RC3H1: variants seen among roughly 807,000 people sequenced by gnomAD.
The protein encoded by RC3H1 is roquin-1.
A neutral mutation model predicts 138.2 loss-of-function variants in RC3H1; 50 were observed. That is an observed-to-expected ratio of 0.36 (90% confidence interval 0.29 to 0.46). The LOEUF is 0.46. Among genes scored for constraint, RC3H1 ranks in the 20% least tolerant of loss-of-function variants. The pLI, the probability that RC3H1 is intolerant of heterozygous loss-of-function variation, is 1.00. For synonymous variants in RC3H1, 462 were observed against 489.1 expected, an observed-to-expected ratio of 0.94 and a Z score of 0.73; for missense variants, 1,031 against 1,388.1, an observed-to-expected ratio of 0.74 and a Z score of 4.09.
chr1:173,975,310 G>A (rs1399802547), intron 7 of RC3H1, among the ~76,000 whole-genome samples: 8 of 151,986 alleles, frequency 5.3e-5, no homozygotes, highest in Admixed American at 3.3e-4. Flanking sequence ...TGGCCAGGAT[G>A]GTCTTGATCT....
intron 7 of RC3H1, 39 bp from the exon 8 acceptor site, chr1:173,972,666 C>G (rs1353551972): frequency 1.4e-6 from 2 of 1,391,484 alleles, no homozygotes; most frequent in Non-Finnish European, 2.0e-6. Context: ...TCTAATGTTA[C>G]TCAAAATTTT....
In RC3H1 at chr1:173,943,575, G is replaced by C. The variant is rs150779657; in HGVS notation, c.3002C>G (p.Thr1001Ser). The C allele has an allele frequency of 1.2e-6, 2 of 1,613,874 alleles. No individual in the cohort carries two copies. The highest frequency in any genetic ancestry group is 1.7e-6 in the Non-Finnish European group (2 of 1,179,992). Residue 1001 changes from threonine to serine, a missense_variant, in exon 18 of 20, where the codon ACC (threonine) becomes AGC (serine). Thr to Ser is a moderately conservative substitution (Grantham distance 58, BLOSUM62 1). Coordinates refer to ENST00000367696, the MANE Select transcript of RC3H1 (RefSeq NM_172071.4). Reference sequence around the variant, plus strand: ...TGGGGGCTGTGACTGGCCTGCCAGGGTGTTTGCCTCCCTCTGCAACACCAG... The same window carrying C: ...TGGGGGCTGTGACTGGCCTGCCAGGCTGTTTGCCTCCCTCTGCAACACCAG... ...NRLVLQREAN[T>S]LAGQSQPPPP... is the part of the protein sequence containing the mutation.
chr1:174,008,671 T>A (rs2860844), intron 1 of RC3H1, among the ~76,000 whole-genome samples: 43,738 of 151,750 alleles, frequency 0.29, 11,255 homozygotes, highest in African/African-American at 0.7. Flanking sequence ...GAAACAGAAA[T>A]TAAATTGTAA....
chr1:174,017,639 G>C (rs1297724329), intron 1 of RC3H1, among the ~76,000 whole-genome samples: 1 of 151,780 alleles, frequency 6.6e-6, no homozygotes, highest in Non-Finnish European at 1.5e-5. Flanking sequence ...AATTAGAGCT[G>C]GTGGTTGAAC....
intron 2 of RC3H1, among the ~76,000 whole-genome samples, chr1:173,991,054 AC>A (rs1406216687): frequency 6.6e-6 from 1 of 151,852 alleles, no homozygotes; most frequent in Non-Finnish European, 1.5e-5. Flanking sequence ...ACATGGCGAA[AC>A]CCTGTCTCGA....
At position 173,994,392 on chromosome 1, in the gene RC3H1, A is replaced by AAAAC. The variant is rs760699594; in HGVS notation, c.-150-1261_-150-1258dup. Among the ~76,000 whole-genome samples the AAAAC allele has an allele frequency of 8.9e-4, 135 of 152,268 alleles. 1 individual carries two copies. Among genetic ancestry groups the AAAAC allele is most frequent in the African/African-American group, 3.0e-3 (123 of 41,532 alleles). Reference sequence around the variant, plus strand: ...GGGCGACACAGTGAGACTCCATCTCAAAACAAACAAACAAACAAAACTTTT... The same window carrying AAAAC: ...GGGCGACACAGTGAGACTCCATCTCAAAACAAACAAACAAACAAACAAAACTTTT... On this transcript the variant is annotated intron_variant, in intron 1 of 19. Coordinates refer to ENST00000367696, the MANE Select transcript of RC3H1 (RefSeq NM_172071.4).
chr1:173,947,657 T>C, intron 14 of RC3H1, 75 bp from the exon 15 acceptor site: 1 of 1,127,690 alleles, frequency 8.9e-7, no homozygotes. Flanking sequence ...AGATCTGTAA[T>C]AAGGTTAAAG....
At chr1:173,949,602 CA>C (rs1486629774) in intron 14 of RC3H1, among the ~76,000 whole-genome samples, 4 of 152,108 alleles carry the variant, frequency 2.6e-5, no homozygotes, top group African/African-American at 9.7e-5. Context: ...CTCCTGACCT[CA>C]AGTGATCCGC....
chr1:173,976,503 A>C (rs1323923653), intron 7 of RC3H1, among the ~76,000 whole-genome samples: 1 of 152,062 alleles, frequency 6.6e-6, no homozygotes, highest in African/African-American at 2.4e-5. Flanking sequence ...GTAAGAACTG[A>C]GAACTGACTT....
At position 173,970,585 on chromosome 1, in the gene RC3H1, C is replaced by T. The variant is rs754598659; in HGVS notation, c.1254G>A (p.Met418Ile). ...PPQHSKYKTY[M>I]CRDMKQRGGC... ...CTCCTCTCTGCTTCATATCTCGACACATGTATGTTTTGTATTTGCTATGCT... is the reference window on the plus strand; with the variant it reads ...CTCCTCTCTGCTTCATATCTCGACATATGTATGTTTTGTATTTGCTATGCT... Residue 418 changes from methionine (M) to isoleucine (I), a missense_variant, in exon 9 of 20, where the codon ATG becomes ATA. Physicochemically the swap from Met to Ile is conservative, Grantham distance 10. Transcript: ENST00000367696. 6.2e-7 allele frequency: 1 copy of T among 1,613,906 alleles called. No individual in the cohort carries two copies. Among genetic ancestry groups the T allele is most frequent in the Non-Finnish European group, 8.5e-7 (1 of 1,179,916 alleles).
At chr1:174,011,307 CT>C (rs1661743670) in intron 1 of RC3H1, among the ~76,000 whole-genome samples, 1 of 151,828 alleles carries the variant, frequency 6.6e-6, no homozygotes, top group Non-Finnish European at 1.5e-5. Context: ...CTTACATTTA[CT>C]TTTTAAAGTT....
At chr1:173,978,053 G>C (rs13375205) in intron 7 of RC3H1, among the ~76,000 whole-genome samples, 1 of 151,982 alleles carries the variant, frequency 6.6e-6, no homozygotes, top group Non-Finnish European at 1.5e-5. Flanking sequence ...AGCAGAAAAA[G>C]CCTAAGTAAA....
chr1:173,989,509 T>C (rs1369352873), intron 2 of RC3H1, among the ~76,000 whole-genome samples: 1 of 152,154 alleles, frequency 6.6e-6, no homozygotes, highest in African/African-American at 2.4e-5. Flanking sequence ...ATCTTTGAAA[T>C]ATAGTTTTTA....
chr1:173,949,192 T>C (rs953774752), intron 14 of RC3H1, among the ~76,000 whole-genome samples: 9 of 151,972 alleles, frequency 5.9e-5, no homozygotes, highest in Non-Finnish European at 1.0e-4. Flanking sequence ...TTCACTCATT[T>C]ACAGTGGTTA....
intron 7 of RC3H1, 101 bp downstream of exon 7, chr1:173,978,387 A>G: frequency 3.2e-6 from 4 of 1,257,842 alleles, no homozygotes; most frequent in South Asian, 1.7e-5. Flanking sequence ...TGGAGTAACT[A>G]CTTTGGGAAA....
chr1:173,938,868 A>C lies in RC3H1; in HGVS notation c.3255T>G (p.Asp1085Glu), dbSNP rs751538952. 5 of 1,595,148 alleles carry C rather than the reference A, an allele frequency of 3.1e-6. No individual in the cohort carries two copies. The highest frequency in any genetic ancestry group is 2.2e-5 in the East Asian group (1 of 44,632). Residue 1085 changes from aspartate to glutamate, a missense_variant, in exon 20 of 20, where the codon GAT becomes GAG. Physicochemically the swap from Asp to Glu is conservative, Grantham distance 45. Around this residue, in one of 7 missense-constraint regions of RC3H1, gnomAD observed 716 missense variants for 837.9 expected, o/e 0.85. Transcript: ENST00000367696. The part of the protein sequence containing the change: ...PAEDLTLTFS[D>E]VPNGSALTQE... Reference sequence around the variant, plus strand: ...GTGTCAAGGCTGATCCATTTGGTACATCACTGCTGACATTTTAAAATTTTG... The same window carrying C: ...GTGTCAAGGCTGATCCATTTGGTACCTCACTGCTGACATTTTAAAATTTTG...
intron 1 of RC3H1, among the ~76,000 whole-genome samples, chr1:174,010,204 T>C (rs1571242395): frequency 1.3e-5 from 2 of 152,130 alleles, no homozygotes; most frequent in African/African-American, 4.8e-5. Flanking sequence ...TAAAAATAAG[T>C]AAAATGATAA....
intron 19 of RC3H1, 41 bp downstream of exon 19, chr1:173,941,224 T>G (rs776016362): frequency 1.2e-5 from 14 of 1,132,926 alleles, no homozygotes; most frequent in Non-Finnish European, 1.9e-5. Context: ...TTCTCTTTTG[T>G]GTGTAATTTA....
chr1:173,999,962 A>G (rs1477068838), intron 1 of RC3H1, among the ~76,000 whole-genome samples: 3 of 152,234 alleles, frequency 2.0e-5, no homozygotes, highest in Non-Finnish European at 4.4e-5. Context: ...TTGAAACTCT[A>G]TAATTTGTGC....
Sources: gnomAD v4.1 joint callset for allele counts (sites outside exome capture counted in the v4.1 genomes callset) on GRCh38, gnomAD v4.1.1 for gene constraint, gnomAD v4.1.1 regional missense constraint, MANE v1.5 for transcripts, NCBI Gene and HGNC (gene_info 2026-07-23, HGNC 2026-07-21) for gene names.